ITFG2: variants seen among roughly 807,000 people sequenced by gnomAD.
ITFG2 encodes integrin alpha FG-GAP repeat containing 2.
Under a neutral mutation model 54.4 loss-of-function variants are expected in ITFG2, and 36 were observed. The observed-to-expected ratio is 0.66, with a 90% CI of 0.51 to 0.87. ITFG2 has a LOEUF of 0.87. ITFG2 is among the 40% of genes least tolerant of loss of function. The pLI is 0.00. For missense variants in ITFG2, 524 were observed against 576.7 expected (o/e 0.91, Z 0.94); for synonymous variants, 211 against 225.4 (o/e 0.94, Z 0.57).
intron 2 of ITFG2, chr12:2,857,323 G>A: frequency 2.2e-6 from 1 of 461,498 alleles, no homozygotes; most frequent in South Asian, 2.4e-5. Context: ...GGATGGCAGT[G>A]GGAATGAAGC....
At chr12:2,821,198 A>C (rs2097942923) in intron 6 of ITFG2, 64 bp from the exon 7 acceptor site, 3 of 1,303,890 alleles carry the variant, frequency 2.3e-6, no homozygotes, top group African/African-American at 2.9e-5. Context: ...GATAGGGGTT[A>C]CAAAGGGCTG....
At chr12:2,831,654 A>G (rs2098003863), downstream of ITFG2, among the ~76,000 whole-genome samples, 1 of 151,990 alleles carries the variant, frequency 6.6e-6, no homozygotes, top group Non-Finnish European at 1.5e-5. Context: ...CCTGTCCCTC[A>G]TCTACAACCA....
At chr12:2,833,649 C>A (rs1474619419), upstream of ITFG2, among the ~76,000 whole-genome samples, 1 of 152,076 alleles carries the variant, frequency 6.6e-6, no homozygotes, top group African/African-American at 2.4e-5. Flanking sequence ...TGCTCCCAAG[C>A]CTTTCTACAA....
chr12:2,814,351 T>C (rs1425280903), intron 1 of ITFG2, among the ~76,000 whole-genome samples: 1 of 152,272 alleles, frequency 6.6e-6, no homozygotes, highest in Non-Finnish European at 1.5e-5. Flanking sequence ...TATAGGTTTA[T>C]AGCACCAGCT....
chr12:2,843,176 C>A (rs2098045547), intron 2 of ITFG2, among the ~76,000 whole-genome samples: 1 of 152,100 alleles, frequency 6.6e-6, no homozygotes, highest in Admixed American at 6.6e-5. Flanking sequence ...TCTCTTGAAC[C>A]CGTGGAGGGT....
rs2098051999 is a variant in ITFG2, at chr12:2,845,840, T to A, written n.300+4845T>A. Among the ~76,000 whole-genome samples, 1 of 151,902 alleles carries A rather than the reference T, an allele frequency of 6.6e-6. No individual in the cohort carries two copies. The highest frequency in any genetic ancestry group is 1.9e-4 in the East Asian group (1 of 5,166). ...AGGTTGCTCATGCTTGCCAGCCAAG[T>A]GTATGTAGGCTGAGCTGGGGTGATT... On this transcript the variant is annotated intron_variant and non_coding_transcript_variant, in intron 2 of 3. Coordinates refer to the ITFG2 transcript ENST00000537710. The surrounding 1 kb of genome is among the most constrained non-coding windows in gnomAD (Gnocchi z 4.2).
chr12:2,847,664 A>C (rs1318263915), intron 2 of ITFG2, among the ~76,000 whole-genome samples: 4 of 85,490 alleles, frequency 4.7e-5, no homozygotes, highest in African/African-American at 6.7e-5. Flanking sequence ...AAGACTGTCC[A>C]AAAAAAAAAA....
intron 10 of ITFG2, 89 bp from the exon 11 acceptor site, chr12:2,823,681 G>A (rs992167951): frequency 2.6e-5 from 38 of 1,434,662 alleles, no homozygotes; most frequent in Admixed American, 1.9e-4. Flanking sequence ...GATGGAAAGT[G>A]CTGACTCGGA....
downstream of ITFG2, chr12:2,828,463 T>A (rs1301304563): frequency 7.2e-7 from 1 of 1,390,690 alleles, no homozygotes; most frequent in African/African-American, 1.4e-5. Flanking sequence ...GGAGAATGGG[T>A]TGGAATTGGA....
At chr12:2,843,397 C>A (rs1344641366) in intron 2 of ITFG2, among the ~76,000 whole-genome samples, 1 of 152,198 alleles carries the variant, frequency 6.6e-6, no homozygotes, top group Non-Finnish European at 1.5e-5. Context: ...ATTTCTGACG[C>A]TAGGATTATT....
intron 1 of ITFG2, among the ~76,000 whole-genome samples, chr12:2,838,983 C>T (rs1205355110): frequency 6.6e-6 from 1 of 151,264 alleles, no homozygotes; most frequent in Non-Finnish European, 1.5e-5. Context: ...TTTTACCTAA[C>T]AGAGAATTAA....
chr12:2,820,295 G>A, intron 5 of ITFG2, 70 bp downstream of exon 5: 6 of 1,486,102 alleles, frequency 4.0e-6, no homozygotes, highest in Non-Finnish European at 5.4e-6. Flanking sequence ...GAGGTAGTGG[G>A]AGAGCAGTCA....
chr12:2,815,157 T>C (rs1445501237), intron 1 of ITFG2, among the ~76,000 whole-genome samples: 1 of 152,156 alleles, frequency 6.6e-6, no homozygotes, highest in Non-Finnish European at 1.5e-5. Flanking sequence ...AATCAAAGAT[T>C]CAAATAAATT....
Position 2,830,836 on chromosome 12 carries a change from G to T in ITFG2, c.*62G>T, listed in dbSNP as rs746133559. On this transcript the variant is annotated splice_region_variant and 3_prime_UTR_variant and NMD_transcript_variant, in exon 3 of 3. Coordinates refer to the ITFG2 transcript ENST00000538822. Reference sequence around the variant, plus strand: ...CAATTCGGGTTTCCCTCCACCAGGCGTCTTTGGATCACACTGCGCGGCTGC... The same window carrying T: ...CAATTCGGGTTTCCCTCCACCAGGCTTCTTTGGATCACACTGCGCGGCTGC... 2 of 1,613,542 alleles carry T rather than the reference G, an allele frequency of 1.2e-6. No homozygotes were observed. Among genetic ancestry groups the T allele is most frequent in the Non-Finnish European group, 1.7e-6 (2 of 1,179,798 alleles).
intron 2 of ITFG2, chr12:2,830,583 G>T: frequency 9.4e-7 from 1 of 1,062,028 alleles, no homozygotes; most frequent in Non-Finnish European, 1.4e-6. Context: ...TTAGGTCCAG[G>T]CTAGGGAGAG....
chr12:2,821,631 T>C (rs1409216777), intron 8 of ITFG2, 35 bp downstream of exon 8: 1 of 1,613,852 alleles, frequency 6.2e-7, no homozygotes, highest in African/African-American at 1.3e-5. Context: ...GGGGGCTGTA[T>C]GCCTGTAGGG....
Position 2,821,262 on chromosome 12 carries a change from G to A in ITFG2, c.696G>A (p.Arg232=). Residue 232 remains arginine, a splice_region_variant and synonymous_variant, in exon 7 of 12, where the codon AGG becomes AGA. Transcript: ENST00000228799. ...TGATCCGTCCACCTGCTGTGCACAG[G>A]GAGACCCCAGCTGCCCGAGACGTGG... is the stretch of plus-strand genomic sequence containing the variant. The part of the protein sequence containing the change: ...PASEGPTDGS[R]ETPAARDVVL... 6.2e-7 allele frequency: 1 copy of A among 1,604,564 alleles called. No homozygotes were observed. Among genetic ancestry groups the A allele is most frequent in the African/African-American group, 1.3e-5 (1 of 74,842 alleles).
intron 2 of ITFG2, among the ~76,000 whole-genome samples, chr12:2,855,778 T>A (rs1398791410): frequency 6.6e-6 from 1 of 152,160 alleles, no homozygotes; most frequent in Non-Finnish European, 1.5e-5. Flanking sequence ...ACCCAGGAAC[T>A]GGTGCTCCTT....
chr12:2,826,453 C>T (rs1314922060), downstream of ITFG2: 1 of 152,064 alleles, frequency 6.6e-6, no homozygotes, highest in East Asian at 1.9e-4. Context: ...TCCACACACA[C>T]ACACGCAAGG....
Sources: allele counts gnomAD v4.1 joint callset (sites outside exome capture counted in the v4.1 genomes callset), GRCh38; gene constraint gnomAD v4.1.1; non-coding constraint Gnocchi (gnomAD v3.1); transcripts MANE v1.5; gene names NCBI Gene and HGNC (gene_info 2026-07-23, HGNC 2026-07-21).